Variants in CELF5 observed in about 807,000 individuals in gnomAD.
CELF5 encodes the protein CUGBP Elav-like family member 5.
Under a neutral mutation model 54.9 loss-of-function variants are expected in CELF5, and 6 were observed. The ratio of observed to expected loss-of-function variants is 0.11; its 90% CI spans 0.06 to 0.22. The LOEUF is 0.22. Among genes scored for constraint, CELF5 ranks in the 10% least tolerant of loss-of-function variants. The pLI is 1.00. For synonymous variants in CELF5, 271 were observed against 290.9 expected, an observed-to-expected ratio of 0.93 and a Z score of 0.70; for missense variants, 401 against 678.6, an observed-to-expected ratio of 0.59 and a Z score of 4.54.
rs372546465 is a variant in CELF5, at chr19:3,278,438, C to T, written c.603+328C>T. ...CTGCATGCATGTGTGTGTGTGAGTGCGTGTTTGAGTGTGTCATTACTAGTA... is the reference window on the plus strand; with the variant it reads ...CTGCATGCATGTGTGTGTGTGAGTGTGTGTTTGAGTGTGTCATTACTAGTA... On this transcript the variant is annotated intron_variant, in intron 5 of 12. Transcript: ENST00000292672. The surrounding 1 kb of genome is among the most constrained non-coding windows in gnomAD (Gnocchi z 4.5). 2.7e-5 allele frequency among the ~76,000 whole-genome samples: 4 copies of T among 149,966 alleles called. No homozygotes were observed. The highest frequency in any genetic ancestry group is 2.0e-4 in the East Asian group (1 of 5,088).
intron 2 of CELF5, among the ~76,000 whole-genome samples, chr19:3,258,220 T>G (rs145657594): frequency 6.6e-6 from 1 of 150,570 alleles, no homozygotes; most frequent in Non-Finnish European, 1.5e-5. Context: ...GGCCTCCCAA[T>G]ATGCTGGGAT....
intron 1 of CELF5, among the ~76,000 whole-genome samples, chr19:3,230,087 C>A (rs926687444): frequency 9.9e-5 from 15 of 151,888 alleles, no homozygotes; most frequent in Admixed American, 8.5e-4. Context: ...CTCATTCATT[C>A]ATTCATTCAT....
At chr19:3,229,105 G>A (rs1221667834) in intron 1 of CELF5, among the ~76,000 whole-genome samples, 3 of 36,228 alleles carry the variant, frequency 8.3e-5, no homozygotes, top group African/African-American at 2.4e-4. Flanking sequence ...CCCGCCCCCC[G>A]CTTCAGGCAA....
chr19:3,232,076 C>G (rs2144981651), intron 1 of CELF5, among the ~76,000 whole-genome samples: 2 of 152,098 alleles, frequency 1.3e-5, no homozygotes, highest in Middle Eastern at 6.8e-3. Flanking sequence ...TTCCTCCTCA[C>G]CTGGTGAATA....
chr19:3,271,768 G>A (rs1449109345), intron 2 of CELF5, among the ~76,000 whole-genome samples: 1 of 152,072 alleles, frequency 6.6e-6, no homozygotes, highest in Non-Finnish European at 1.5e-5. Context: ...TGCAAAATAA[G>A]GGGTTGCTGA....
chr19:3,270,943 G>T (rs2079952454), intron 2 of CELF5, among the ~76,000 whole-genome samples: 1 of 151,906 alleles, frequency 6.6e-6, no homozygotes, highest in Admixed American at 6.6e-5. Flanking sequence ...GGGGTGGAGG[G>T]TTCGGTGATG....
chr19:3,285,236 T>G (rs2080220207), intron 9 of CELF5, among the ~76,000 whole-genome samples: 1 of 152,034 alleles, frequency 6.6e-6, no homozygotes, highest in African/African-American at 2.4e-5. Flanking sequence ...CCCTCTCATG[T>G]TCTGTGTTGG....
At chr19:3,280,600 T>A (rs2145259561) in intron 5 of CELF5, among the ~76,000 whole-genome samples, 1 of 151,704 alleles carries the variant, frequency 6.6e-6, no homozygotes, top group Non-Finnish European at 1.5e-5. Flanking sequence ...AAAATCCGGG[T>A]CCGAACTGCC....
chr19:3,225,028 C>T, intron 1 of CELF5, 30 bp downstream of exon 1: 3 of 1,318,082 alleles, frequency 2.3e-6, no homozygotes, highest in South Asian at 2.8e-5. Flanking sequence ...CCCCCTCTCC[C>T]CCTCCCTCCG....
intron 12 of CELF5, chr19:3,293,814 G>A (rs936471941): frequency 4.4e-6 from 1 of 226,676 alleles, no homozygotes; most frequent in African/African-American, 2.2e-5. Flanking sequence ...CTGGGGGTGG[G>A]GGTGCGGTGG....
chr19:3,285,009 C>T (rs748207312), intron 9 of CELF5, 45 bp downstream of exon 9: 1 of 1,462,540 alleles, frequency 6.8e-7, no homozygotes, highest in South Asian at 1.2e-5. Flanking sequence ...GGCCCCGCCC[C>T]CGCCTAGGGC....
At chr19:3,227,885 C>T (rs1917013947) in intron 1 of CELF5, among the ~76,000 whole-genome samples, 1 of 152,066 alleles carries the variant, frequency 6.6e-6, no homozygotes. Context: ...AAGAGTGAGG[C>T]CCCCAGAGAT....
At chr19:3,250,222 C>T (rs977428450) in intron 1 of CELF5, among the ~76,000 whole-genome samples, 1 of 152,238 alleles carries the variant, frequency 6.6e-6, no homozygotes, top group Non-Finnish European at 1.5e-5. Flanking sequence ...GGTGCGGTGG[C>T]TCACGCCTGT....
rs2080143079 is a variant in CELF5, at chr19:3,281,087, A to G, written c.604-112A>G. The G allele has an allele frequency of 1.8e-5, 23 of 1,291,858 alleles. No homozygotes were observed. The highest frequency in any genetic ancestry group is 2.4e-5 in the Non-Finnish European group (22 of 926,856). 80.0% of individuals were successfully genotyped at this position (1,291,858 alleles called of 1,614,324 possible). A position where few individuals can be genotyped will look rare whatever the true frequency, so the allele number is the denominator to read the frequency against. On this transcript the variant is annotated intron_variant, in intron 5 of 12. Coordinates refer to ENST00000292672, the MANE Select transcript of CELF5 (RefSeq NM_021938.4). The surrounding 1 kb of genome is among the most constrained non-coding windows in gnomAD (Gnocchi z 6.5). ...GGGCCCGTGGACATGGCTGACAGCC[A>G]CTGGCATTACACCCCTCACCCAGGA...
intron 8 of CELF5, chr19:3,284,661 A>ATC (rs940094891): frequency 9.0e-6 from 5 of 554,790 alleles, no homozygotes; most frequent in South Asian, 6.5e-5. Flanking sequence ...GACGATGGTG[A>ATC]TCTCTCTCTG....
rs1348906082 is a variant in CELF5, at chr19:3,275,158, C to T, written c.395-698C>T. On this transcript the variant is annotated intron_variant, in intron 3 of 12. Transcript: ENST00000292672. This position sits in a 1 kb window ranked among gnomAD's most constrained non-coding sequence, Gnocchi z 6.7. The stretch of plus-strand genomic sequence containing the variant: ...CTAGGAGATGAAGCCACCACGTTCC[C>T]CATTACCAGGGAGCATGCAGTTACC... Among the ~76,000 whole-genome samples the T allele has an allele frequency of 1.3e-5, 2 of 152,156 alleles. No individual in the cohort carries two copies. Among genetic ancestry groups the T allele is most frequent in the Non-Finnish European group, 2.9e-5 (2 of 68,048 alleles).
At chr19:3,291,866 G>A (rs560423440) in intron 11 of CELF5, among the ~76,000 whole-genome samples, 1 of 152,254 alleles carries the variant, frequency 6.6e-6, no homozygotes, top group African/African-American at 2.4e-5. Flanking sequence ...GCTCTGAAAA[G>A]GGCTGCAATT....
intron 1 of CELF5, among the ~76,000 whole-genome samples, chr19:3,247,573 G>A (rs2079584864): frequency 6.7e-6 from 1 of 150,308 alleles, no homozygotes; most frequent in Non-Finnish European, 1.5e-5. Flanking sequence ...CTCTTTCTAT[G>A]TCTCGACCCA....
chr19:3,244,037 G>A (rs1216740277), intron 1 of CELF5, among the ~76,000 whole-genome samples: 1 of 152,054 alleles, frequency 6.6e-6, no homozygotes, highest in African/African-American at 2.4e-5. Flanking sequence ...TTTGGAGAGG[G>A]GGAGAAGCAC....
Sources: gnomAD v4.1 joint callset for allele counts (sites outside exome capture counted in the v4.1 genomes callset) on GRCh38, gnomAD v4.1.1 for gene constraint, Gnocchi (gnomAD v3.1) non-coding constraint, MANE v1.5 for transcripts, NCBI Gene and HGNC (gene_info 2026-07-23, HGNC 2026-07-21) for gene names.